ATP8B1: variants seen among roughly 807,000 people sequenced by gnomAD.
ATP8B1 encodes the protein phospholipid-transporting ATPase IC.
ATP8B1 carries 80 observed loss-of-function variants against 149.9 expected under a neutral mutation model. That is an observed-to-expected ratio of 0.53 (90% CI 0.45 to 0.64). The LOEUF is 0.64. ATP8B1 is among the 30% of genes least tolerant of loss of function. The pLI is 0.00. For missense variants in ATP8B1, 1,247 were observed against 1,552.6 expected (o/e 0.80, Z 3.31); for synonymous variants, 536 against 562.8 (o/e 0.95, Z 0.67).
At chr18:57,753,397 T>G (rs1256639160) in intron 1 of ATP8B1, among the ~76,000 whole-genome samples, 1 of 152,238 alleles carries the variant, frequency 6.6e-6, no homozygotes, top group African/African-American at 2.4e-5. Flanking sequence ...TTTTACTATT[T>G]CTACATGTGT....
intron 2 of ATP8B1, among the ~76,000 whole-genome samples, chr18:57,713,521 C>T (rs998562023): frequency 2.1e-5 from 3 of 145,820 alleles, no homozygotes; most frequent in African/African-American, 7.9e-5. Flanking sequence ...GATGGTTTCT[C>T]ACTCTGTCAC....
intron 8 of ATP8B1, 109 bp downstream of exon 8, chr18:57,697,509 A>C: frequency 8.7e-7 from 1 of 1,151,576 alleles, no homozygotes; most frequent in Non-Finnish European, 1.3e-6. Context: ...AGCAGGTGGC[A>C]GAGGCAAGGC....
intron 26 of ATP8B1, among the ~76,000 whole-genome samples, chr18:57,650,723 G>A (rs1382485724): frequency 6.6e-6 from 1 of 152,108 alleles, no homozygotes; most frequent in Non-Finnish European, 1.5e-5. Flanking sequence ...TGCACCTGTA[G>A]TCCCAGCTAC....
At chr18:57,718,489 C>T (rs2079606736) in intron 2 of ATP8B1, among the ~76,000 whole-genome samples, 1 of 152,156 alleles carries the variant, frequency 6.6e-6, no homozygotes, top group African/African-American at 2.4e-5. Context: ...GGAGGAAATA[C>T]TTCCAAACTC....
At chr18:57,713,131 G>A (rs114988281) in intron 2 of ATP8B1, among the ~76,000 whole-genome samples, 7 of 150,954 alleles carry the variant, frequency 4.6e-5, no homozygotes, top group Admixed American at 1.3e-4. Context: ...AAAATTAAAG[G>A]GTGCTTTGTC....
intron 6 of ATP8B1, among the ~76,000 whole-genome samples, chr18:57,699,988 A>G (rs1357938207): frequency 6.6e-6 from 1 of 152,184 alleles, no homozygotes; most frequent in Non-Finnish European, 1.5e-5. Flanking sequence ...GGTCACACCT[A>G]TAGGAACTTG....
chr18:57,752,206 C>T (rs1411665900), intron 1 of ATP8B1, among the ~76,000 whole-genome samples: 1 of 73,594 alleles, frequency 1.4e-5, no homozygotes, highest in African/African-American at 4.3e-5. Context: ...GACCCTGTCT[C>T]AAATAATAAT....
chr18:57,697,785 G>C lies in ATP8B1; in HGVS notation c.627+10C>G. The C allele has an allele frequency of 1.2e-6, 2 of 1,613,400 alleles. No individual in the cohort carries two copies. The highest frequency in any genetic ancestry group is 1.7e-6 in the Non-Finnish European group (2 of 1,179,604). ...ACAAGGAACAAGAGAAGCAGAATTT[G>C]TTCACTTACTGGAACAAAATCATTT... On this transcript the variant is annotated intron_variant, in intron 7 of 27. Coordinates refer to ENST00000648908, the MANE Select transcript of ATP8B1 (RefSeq NM_001374385.1).
chr18:57,672,885 AGTATATATAT>A (rs1568189104), intron 16 of ATP8B1, among the ~76,000 whole-genome samples: 1 of 23,360 alleles, frequency 4.3e-5, no homozygotes, highest in African/African-American at 1.4e-4. Flanking sequence ...AAAAAAAAAA[AGTATATATAT>A]ATATATATAT....
intron 1 of ATP8B1, among the ~76,000 whole-genome samples, chr18:57,760,635 T>C (rs765551437): frequency 6.6e-6 from 1 of 152,238 alleles, no homozygotes; most frequent in Non-Finnish European, 1.5e-5. Context: ...GAAATGTGGC[T>C]ATACTATATC....
At chr18:57,751,044 G>A (rs2080012475) in intron 1 of ATP8B1, among the ~76,000 whole-genome samples, 1 of 152,112 alleles carries the variant, frequency 6.6e-6, no homozygotes, top group Non-Finnish European at 1.5e-5. Flanking sequence ...AATTGCTTGA[G>A]CCCAGGAGGC....
At position 57,732,241 on chromosome 18, in the gene ATP8B1, A is replaced by ATG. The variant is rs1568044222; in HGVS notation, c.-25-410_-25-409insCA. On this transcript the variant is annotated intron_variant, in intron 1 of 27. Transcript: ENST00000648908. ...TGTATATATGTATATATGTGTATATATATGTATATATGTATATATGTGTAT... is the reference window on the plus strand; with the variant it reads ...TGTATATATGTATATATGTGTATATATGTATGTATATATGTATATATGTGTAT... Among the ~76,000 whole-genome samples, 39 of 25,044 alleles carry ATG rather than the reference A, an allele frequency of 1.6e-3. 5 individuals carry two copies. Among genetic ancestry groups the ATG allele is most frequent in the African/African-American group, 2.0e-3 (19 of 9,444 alleles). The allele number at this position is 25,044 out of a possible 152,430, so 16.4% of individuals were successfully genotyped here.
At chr18:57,769,244 C>T (rs1177007920) in intron 1 of ATP8B1, among the ~76,000 whole-genome samples, 2 of 152,212 alleles carry the variant, frequency 1.3e-5, no homozygotes, top group East Asian at 3.9e-4. Flanking sequence ...CGCATTCTGC[C>T]TGCCCCACGA....
At chr18:57,709,685 A>AT (rs35159873) in intron 2 of ATP8B1, among the ~76,000 whole-genome samples, 21,432 of 146,780 alleles carry the variant, frequency 0.15, 1,619 homozygotes, top group African/African-American at 0.17. Context: ...TTCTTTTTTC[A>AT]TTTTTTTTTT....
At position 57,695,205 on chromosome 18, in the gene ATP8B1, G is replaced by A; in HGVS notation, c.906C>T (p.Asn302=). The part of the protein sequence containing the change: ...KILLRGCVIR[N]TDFCHGLVIF... The stretch of plus-strand genomic sequence containing the variant: ...TGACTAAGCCGTGGCAGAAATCGGT[G>A]TTCCTAATTACACAGCCACGTAACA... Residue 302 remains asparagine, a synonymous_variant, in exon 10 of 28, where the codon AAC becomes AAT. Coordinates refer to ENST00000648908, the MANE Select transcript of ATP8B1 (RefSeq NM_001374385.1). 1 of 1,614,118 alleles carries A rather than the reference G, an allele frequency of 6.2e-7. No individual in the cohort carries two copies. Among genetic ancestry groups the A allele is most frequent in the Non-Finnish European group, 8.5e-7 (1 of 1,180,024 alleles).
intron 20 of ATP8B1, among the ~76,000 whole-genome samples, chr18:57,663,718 G>A (rs1019530479): frequency 8.8e-5 from 13 of 148,188 alleles, no homozygotes; most frequent in Non-Finnish European, 1.8e-4. Context: ...TCAGCCATTT[G>A]CATGTCCTCT....
At chr18:57,734,590 T>A (rs2079827094) in intron 1 of ATP8B1, among the ~76,000 whole-genome samples, 1 of 152,208 alleles carries the variant, frequency 6.6e-6, no homozygotes, top group South Asian at 2.1e-4. Context: ...ATTATTATTT[T>A]AAAATATTGC....
intron 1 of ATP8B1, among the ~76,000 whole-genome samples, chr18:57,752,683 G>A (rs2080034426): frequency 6.6e-6 from 1 of 152,154 alleles, no homozygotes; most frequent in Non-Finnish European, 1.5e-5. Flanking sequence ...GTTTTCAAGT[G>A]AAAAACAGAG....
intron 2 of ATP8B1, among the ~76,000 whole-genome samples, chr18:57,709,169 G>A (rs1913568048): frequency 1.3e-5 from 2 of 152,180 alleles, no homozygotes; most frequent in South Asian, 4.1e-4. Context: ...ACAAATTGAT[G>A]TCTACTCTTT....
Sources: gnomAD v4.1 joint callset for allele counts (sites outside exome capture counted in the v4.1 genomes callset) on GRCh38, gnomAD v4.1.1 for gene constraint, MANE v1.5 for transcripts, NCBI Gene and HGNC (gene_info 2026-07-23, HGNC 2026-07-21) for gene names.